TSHZ3: variants seen among roughly 807,000 people sequenced by gnomAD.
The protein encoded by TSHZ3 is teashirt zinc finger homeobox 3.
TSHZ3 carries 10 observed loss-of-function variants against 64.5 expected under a neutral mutation model. The observed-to-expected ratio is 0.16, with a 90% CI of 0.10 to 0.26. The LOEUF (loss-of-function observed/expected upper bound fraction) is 0.26, where lower values mean the gene tolerates loss of function less well. Ranked by LOEUF, TSHZ3 falls within the 10% of genes least tolerant of loss-of-function variation. The probability of loss-of-function intolerance (pLI) is 1.00; values close to 1 mark genes in which losing one functional copy is unlikely to be tolerated. For missense variants in TSHZ3, 1,242 were observed against 1,421.7 expected (o/e 0.87, Z 2.03); for synonymous variants, 608 against 593.1 (o/e 1.03, Z -0.36).
chr19:31,238,101 T>C (rs1199561954), intron 3 of TSHZ3, among the ~76,000 whole-genome samples: 6 of 152,218 alleles, frequency 3.9e-5, no homozygotes, highest in African/African-American at 1.4e-4. Context: ...ATGTCAATTA[T>C]ATAAAAATTG....
At chr19:31,185,076 G>A (rs1446476569) in intron 5 of TSHZ3, among the ~76,000 whole-genome samples, 2 of 146,150 alleles carry the variant, frequency 1.4e-5, no homozygotes, top group Non-Finnish European at 3.0e-5. Flanking sequence ...AAAATTTTAT[G>A]TTAAAAAAAC....
At position 31,277,285 on chromosome 19, in the gene TSHZ3, G is replaced by A; in HGVS notation, c.2508C>T (p.Asn836=). The part of the protein sequence containing the change: ...KTSAVVSFMS[N]SPLRENALSD... ...ACAAGGCATTCTCGCGTAGCGGCGA[G>A]TTTGACATGAATGATACGACGGCAG... Residue 836 remains asparagine (N), a synonymous_variant, in exon 2 of 2, where the codon AAC becomes AAT. Coordinates refer to ENST00000240587, the MANE Select transcript of TSHZ3 (RefSeq NM_020856.4). The surrounding 1 kb of genome is among the most constrained non-coding windows in gnomAD (Gnocchi z 4.5). 10 of 1,613,942 alleles carry A rather than the reference G, an allele frequency of 6.2e-6. No individual in the cohort carries two copies. Among genetic ancestry groups the A allele is most frequent in the Non-Finnish European group, 8.5e-6 (10 of 1,179,796 alleles).
intron 3 of TSHZ3, among the ~76,000 whole-genome samples, chr19:31,238,311 A>G (rs1370736211): frequency 6.7e-6 from 1 of 150,030 alleles, no homozygotes; most frequent in Non-Finnish European, 1.5e-5. Context: ...ACTGCAGAGC[A>G]ATGGCACAAT....
intron 1 of TSHZ3, among the ~76,000 whole-genome samples, chr19:31,340,353 A>AAAAAAAAAAAC (rs1917393192): frequency 6.7e-6 from 1 of 149,458 alleles, no homozygotes; most frequent in African/African-American, 2.4e-5. Flanking sequence ...AAAAAAAAAA[A>AAAAAAAAAAAC]AAAAAAAAAA....
chr19:31,273,668 A>T (rs1437712076), downstream of TSHZ3, among the ~76,000 whole-genome samples: 1 of 152,242 alleles, frequency 6.6e-6, no homozygotes, highest in African/African-American at 2.4e-5. Flanking sequence ...AAGATGCGGA[A>T]GGCACGGGAG....
intron 4 of TSHZ3, among the ~76,000 whole-genome samples, chr19:31,220,249 C>T (rs1291480004): frequency 1.3e-5 from 2 of 152,144 alleles, no homozygotes; most frequent in African/African-American, 4.8e-5. Context: ...GAACAGGGGC[C>T]TGGAAACATT....
intron 1 of TSHZ3, among the ~76,000 whole-genome samples, chr19:31,284,121 T>C (rs564380664): frequency 1.3e-5 from 2 of 152,258 alleles, no homozygotes; most frequent in East Asian, 3.9e-4. Context: ...CTTGCCTGAA[T>C]TCTCTAAGGG....
In TSHZ3 at chr19:31,326,133, C is replaced by T. The variant is rs367550813; in HGVS notation, c.40+23047G>A. 3.7e-4 allele frequency among the ~76,000 whole-genome samples: 56 copies of T among 152,240 alleles called. No individual in the cohort carries two copies. In the South Asian group the frequency reaches 9.1e-3, roughly 25 times the overall value. ...GTATATTCTTAGACAAAAACAGGTACAACATGGAGTGTAAAGTGTGGATTT... is the reference window on the plus strand; with the variant it reads ...GTATATTCTTAGACAAAAACAGGTATAACATGGAGTGTAAAGTGTGGATTT... On this transcript the variant is annotated intron_variant, in intron 1 of 1. Transcript: ENST00000240587.
chr19:31,267,836 T>C (rs1976075281), intron 1 of TSHZ3, among the ~76,000 whole-genome samples: 1 of 152,142 alleles, frequency 6.6e-6, no homozygotes, highest in African/African-American at 2.4e-5. Flanking sequence ...TGAAAACATT[T>C]GAGAAAGCTG....
At chr19:31,289,192 G>A (rs562457122) in intron 1 of TSHZ3, among the ~76,000 whole-genome samples, 1 of 152,308 alleles carries the variant, frequency 6.6e-6, no homozygotes, top group Non-Finnish European at 1.5e-5. Context: ...GGGAATCTGG[G>A]AGGCACGGCC....
intron 5 of TSHZ3, among the ~76,000 whole-genome samples, chr19:31,162,755 A>T (rs953636434): frequency 1.3e-5 from 2 of 152,240 alleles, no homozygotes; most frequent in Admixed American, 1.3e-4. Context: ...TGCTCAGCAT[A>T]CATGAGGTTA....
chr19:31,215,499 C>G (rs1975314264), intron 4 of TSHZ3, among the ~76,000 whole-genome samples: 1 of 152,118 alleles, frequency 6.6e-6, no homozygotes, highest in Non-Finnish European at 1.5e-5. Flanking sequence ...AAAACTAAAA[C>G]TCTGAAGATA....
At chr19:31,205,517 T>C (rs1273257695) in intron 4 of TSHZ3, among the ~76,000 whole-genome samples, 1 of 152,174 alleles carries the variant, frequency 6.6e-6, no homozygotes, top group Non-Finnish European at 1.5e-5. Context: ...AGAGAGCTCT[T>C]TTCACCAAGA....
At chr19:31,226,976 T>TA (rs1975472823) in intron 4 of TSHZ3, among the ~76,000 whole-genome samples, 1 of 111,018 alleles carries the variant, frequency 9.0e-6, no homozygotes, top group East Asian at 2.4e-4. Flanking sequence ...TTTCTTTCTT[T>TA]CTTTTTTTTT....
rs139556139 is a variant in TSHZ3, at chr19:31,308,950, G to A, written c.41-29198C>T. On this transcript the variant is annotated intron_variant, in intron 1 of 1. Coordinates refer to ENST00000240587, the MANE Select transcript of TSHZ3 (RefSeq NM_020856.4). ...CCTAACTTTTTGGTGGGGCCCACTC[G>A]CCATGACAGGCCACCAGCCTGCCGT... Among the ~76,000 whole-genome samples, 1,283 of 152,332 alleles carry A rather than the reference G, an allele frequency of 8.4e-3. 21 individuals are homozygous for A. Among genetic ancestry groups the A allele is most frequent in the African/African-American group, 0.029 (1,209 of 41,576 alleles).
intron 1 of TSHZ3, among the ~76,000 whole-genome samples, chr19:31,250,792 T>G (rs1419974097): frequency 6.6e-6 from 1 of 152,194 alleles, no homozygotes; most frequent in African/African-American, 2.4e-5. Context: ...GCACTGAGCC[T>G]GACACACAGT....
chr19:31,349,248 C>T lies in TSHZ3; in HGVS notation c.-29G>A, dbSNP rs1290050861. ...GCTTCTCCGGCGACTGCCACTGCCG[C>T]CGCCGCCGCCGCTGCCGGGCTGAGG... On this transcript the variant is annotated 5_prime_UTR_variant, in exon 1 of 2. Coordinates refer to ENST00000240587, the MANE Select transcript of TSHZ3 (RefSeq NM_020856.4). 3 of 1,528,780 alleles carry T rather than the reference C, an allele frequency of 2.0e-6. No homozygotes were observed. The highest frequency in any genetic ancestry group is 2.6e-6 in the Non-Finnish European group (3 of 1,140,200). 94.7% of individuals were successfully genotyped at this position (1,528,780 alleles called of 1,614,324 possible).
At chr19:31,164,513 T>C (rs983043393) in intron 5 of TSHZ3, among the ~76,000 whole-genome samples, 2 of 152,024 alleles carry the variant, frequency 1.3e-5, no homozygotes, top group African/African-American at 4.8e-5. Context: ...TCCATACACA[T>C]TTGTTGAATA....
At chr19:31,235,422 A>G (rs1232527164) in intron 3 of TSHZ3, among the ~76,000 whole-genome samples, 1 of 151,860 alleles carries the variant, frequency 6.6e-6, no homozygotes, top group African/African-American at 2.4e-5. Flanking sequence ...TAGGTTCCAC[A>G]TATAAGTGAG....
Sources: gnomAD v4.1 joint callset for allele counts (sites outside exome capture counted in the v4.1 genomes callset) on GRCh38, gnomAD v4.1.1 for gene constraint, Gnocchi (gnomAD v3.1) non-coding constraint, MANE v1.5 for transcripts, NCBI Gene and HGNC (gene_info 2026-07-23, HGNC 2026-07-21) for gene names.